AKAP10: variants seen among roughly 807,000 people sequenced by gnomAD.
AKAP10 encodes A-kinase anchor protein 10, mitochondrial.
Under a neutral mutation model 80.8 loss-of-function variants are expected in AKAP10, and 24 were observed. That is an observed-to-expected ratio of 0.30 (90% confidence interval 0.22 to 0.42). The LOEUF (loss-of-function observed/expected upper bound fraction) is 0.42, where lower values mean the gene tolerates loss of function less well. Ranked by LOEUF, AKAP10 falls within the 10% of genes least tolerant of loss-of-function variation. The pLI is 1.00. For missense variants in AKAP10, 661 were observed against 794.9 expected, an observed-to-expected ratio of 0.83 and a Z score of 2.03; for synonymous variants, 291 against 277.7, an observed-to-expected ratio of 1.05 and a Z score of -0.48.
intron 5 of AKAP10, among the ~76,000 whole-genome samples, chr17:19,946,133 GTATAT>G (rs1255945024): frequency 1.7e-5 from 2 of 120,796 alleles, no homozygotes; most frequent in Non-Finnish European, 3.3e-5. Flanking sequence ...ACACTAATAT[GTATAT>G]TATATATTAG....
At chr17:19,923,647 C>T (rs1300581574) in intron 11 of AKAP10, among the ~76,000 whole-genome samples, 2 of 152,072 alleles carry the variant, frequency 1.3e-5, no homozygotes, top group African/African-American at 4.8e-5. Context: ...CTGTCTCAGC[C>T]TCCCAAGTAG....
rs990288023 is a variant in AKAP10 at position 19,910,118 on chromosome 17, A to C, written c.1835-140T>G. 2.9e-5 allele frequency: 20 copies of C among 693,530 alleles called. 1 individual carries two copies. Among genetic ancestry groups the C allele is most frequent in the African/African-American group, 1.4e-4 (8 of 55,458 alleles). The allele number at this position is 693,530 out of a possible 1,614,324, so 43.0% of individuals were successfully genotyped here. ...CGAGGTGGGTGATTCACCTGAGGTT[A>C]AGAGTTCAAGACCAGCCTGGCCAAC... is the stretch of plus-strand genomic sequence containing the variant. On this transcript the variant is annotated intron_variant, in intron 12 of 14. Transcript: ENST00000225737.
chr17:19,962,872 C>T lies in AKAP10; in HGVS notation c.287G>A (p.Ser96Asn). The T allele has an allele frequency of 6.2e-7, 1 of 1,614,030 alleles. No individual in the cohort carries two copies. Among genetic ancestry groups the T allele is most frequent in the Non-Finnish European group, 8.5e-7 (1 of 1,179,964 alleles). ...ACCAAAATGAGCGGCCTCCATGTGGCTTGGCTGCTTCTTAAGTGTGGCTGT... is the reference window on the plus strand; with the variant it reads ...ACCAAAATGAGCGGCCTCCATGTGGTTTGGCTGCTTCTTAAGTGTGGCTGT... ...SRTATLKKQPSHMEAAHFGDL... is the reference protein window; with the variant it reads ...SRTATLKKQPNHMEAAHFGDL... The change falls in exon 3 of 15, where the codon AGC (serine) becomes AAC (asparagine). Residue 96 changes from serine to asparagine, a missense_variant. Physicochemically the swap from Ser to Asn is conservative, Grantham distance 46. Coordinates refer to ENST00000225737, the MANE Select transcript of AKAP10 (RefSeq NM_007202.4).
chr17:19,956,866 T>C (rs2043282625), intron 4 of AKAP10, among the ~76,000 whole-genome samples: 1 of 150,678 alleles, frequency 6.6e-6, no homozygotes, highest in African/African-American at 2.4e-5. Flanking sequence ...TAGCCAGGAG[T>C]GGTGGCGGGC....
intron 14 of AKAP10, 127 bp from the exon 15 acceptor site, chr17:19,906,359 C>G: frequency 2.0e-6 from 2 of 998,240 alleles, no homozygotes; most frequent in Non-Finnish European, 2.9e-6. Context: ...CAGCCAGAAG[C>G]TGACTACAAT....
chr17:19,916,243 C>A (rs1478426880), intron 12 of AKAP10, among the ~76,000 whole-genome samples: 2 of 152,202 alleles, frequency 1.3e-5, no homozygotes. Context: ...TCCCAGCCCC[C>A]TACCCTGCTT....
chr17:19,957,565 T>C (rs1315134459), intron 4 of AKAP10, among the ~76,000 whole-genome samples: 1 of 152,036 alleles, frequency 6.6e-6, no homozygotes, highest in African/African-American at 2.4e-5. Context: ...GCCTACTACC[T>C]GCACAAAGGT....
chr17:19,906,998 GTTC>G (rs2042637734), intron 14 of AKAP10, among the ~76,000 whole-genome samples: 1 of 150,624 alleles, frequency 6.6e-6, no homozygotes, highest in Non-Finnish European at 1.5e-5. Flanking sequence ...AACTCAGCTA[GTTC>G]TTCGAGTCTA....
intron 10 of AKAP10, among the ~76,000 whole-genome samples, chr17:19,926,248 T>C (rs898861011): frequency 6.8e-6 from 1 of 146,958 alleles, no homozygotes; most frequent in African/African-American, 2.5e-5. Context: ...AGAAAGAACA[T>C]GACAATATTC....
chr17:19,947,114 G>A lies in AKAP10; in HGVS notation c.976+293C>T, dbSNP rs1334284113. The A allele has an allele frequency of 1.4e-5, 5 of 364,880 alleles. No homozygotes were observed. The East Asian group carries it at 3.2e-4, about 23-fold the overall frequency. 22.6% of individuals were successfully genotyped at this position (364,880 alleles called of 1,614,324 possible). A position where few individuals can be genotyped will look rare whatever the true frequency, so the allele number is the denominator to read the frequency against. ...GGGCTGCCGGCCAGTCCATCCGGTG[G>A]TCTGTGCCGGTTAGCGTAGCCGCCC... On this transcript the variant is annotated intron_variant, in intron 5 of 14. Transcript: ENST00000225737.
At chr17:19,928,093 G>A (rs1016586316) in intron 10 of AKAP10, among the ~76,000 whole-genome samples, 16 of 150,448 alleles carry the variant, frequency 1.1e-4, no homozygotes, top group Non-Finnish European at 4.4e-5. Context: ...GCTGGCAGGT[G>A]CCTGAAATGT....
At chr17:19,961,212 G>A (rs2152418154) in intron 3 of AKAP10, among the ~76,000 whole-genome samples, 1 of 151,502 alleles carries the variant, frequency 6.6e-6, no homozygotes, top group South Asian at 2.1e-4. Flanking sequence ...AAATTAGCCA[G>A]GCGTGGTGGT....
chr17:19,944,124 C>G (rs556847720), intron 5 of AKAP10, among the ~76,000 whole-genome samples: 7 of 152,198 alleles, frequency 4.6e-5, no homozygotes, highest in African/African-American at 1.7e-4. Context: ...TCTCTCACAT[C>G]TTTCAACTCA....
intron 10 of AKAP10, among the ~76,000 whole-genome samples, chr17:19,930,722 T>A (rs1024059982): frequency 1.7e-4 from 25 of 151,450 alleles, no homozygotes; most frequent in Non-Finnish European, 2.4e-4. Context: ...AAAAAAAAAA[T>A]TTTTTTTGAG....
chr17:19,931,283 T>G (rs1483467451), intron 10 of AKAP10, among the ~76,000 whole-genome samples: 1 of 152,042 alleles, frequency 6.6e-6, no homozygotes, highest in African/African-American at 2.4e-5. Flanking sequence ...CAGATTCAAA[T>G]AGAATAATGG....
chr17:19,965,505 T>C (rs555099846), intron 2 of AKAP10, among the ~76,000 whole-genome samples: 1 of 152,344 alleles, frequency 6.6e-6, no homozygotes, highest in Admixed American at 6.5e-5. Flanking sequence ...CTTTACAGCC[T>C]TCTATACCTT....
In AKAP10 at chr17:19,909,228, T is replaced by C. The variant is rs203462; in HGVS notation, c.1936A>G (p.Ile646Val). 627,781 of 1,612,096 alleles carry C rather than the reference T, an allele frequency of 0.39. 125,833 individuals are homozygous for C. Among genetic ancestry groups the C allele is most frequent in the African/African-American group, 0.59 (44,087 of 74,862 alleles). ...TGATCATACTGAGCCTGCTGCATAA[T>C]GTCACTGACTATCATTTTAGCAATC... Reference protein sequence around the residue: ...WKIAKMIVSDIMQQAQYDQPL... With the variant: ...WKIAKMIVSDVMQQAQYDQPL... Residue 646 changes from isoleucine to valine, a missense_variant, in exon 14 of 15, where the codon ATT becomes GTT. Physicochemically the swap from Ile to Val is conservative, Grantham distance 29. Coordinates refer to ENST00000225737, the MANE Select transcript of AKAP10 (RefSeq NM_007202.4).
At chr17:19,972,140 A>G (rs2043506011) in intron 1 of AKAP10, among the ~76,000 whole-genome samples, 1 of 152,218 alleles carries the variant, frequency 6.6e-6, no homozygotes. Context: ...ATTTTTAATG[A>G]AAGTGACTGT....
At chr17:19,971,295 G>A (rs909819584) in intron 1 of AKAP10, among the ~76,000 whole-genome samples, 2 of 151,934 alleles carry the variant, frequency 1.3e-5, no homozygotes, top group Non-Finnish European at 2.9e-5. Flanking sequence ...GAACACTTGA[G>A]GTCAGGAGTT....
Sources: gnomAD v4.1 joint callset for allele counts (sites outside exome capture counted in the v4.1 genomes callset) on GRCh38, gnomAD v4.1.1 for gene constraint, MANE v1.5 for transcripts, NCBI Gene and HGNC (gene_info 2026-07-23, HGNC 2026-07-21) for gene names.